TLE1: variants seen among roughly 807,000 people sequenced by gnomAD.
TLE1 encodes transducin-like enhancer protein 1.
TLE1 carries 21 observed loss-of-function variants against 89.8 expected under a neutral mutation model. That is an observed-to-expected ratio of 0.23 (90% CI 0.17 to 0.34). TLE1 has a LOEUF of 0.34. Ranked by LOEUF, TLE1 falls within the 10% of genes least tolerant of loss-of-function variation. TLE1 has a pLI of 1.00. For missense variants in TLE1, 795 were observed against 1,031.2 expected (o/e 0.77, Z 3.14); for synonymous variants, 447 against 407.6 (o/e 1.10, Z -1.16).
At chr9:81,595,925 T>C in intron 14 of TLE1, among the ~76,000 whole-genome samples, 1 of 151,982 alleles carries the variant, frequency 6.6e-6, no homozygotes, top group East Asian at 1.9e-4. Context: ...CTCGGTGCCA[T>C]GAGAGAAATT....
At chr9:81,645,000 C>CAAA (rs150421441) in intron 6 of TLE1, among the ~76,000 whole-genome samples, 48 of 64,896 alleles carry the variant, frequency 7.4e-4, no homozygotes, top group Non-Finnish European at 9.0e-4. Flanking sequence ...GACACTGTCT[C>CAAA]AAAAAAAAAA....
chr9:81,643,944 G>T (rs1828491832), intron 6 of TLE1, among the ~76,000 whole-genome samples: 1 of 152,156 alleles, frequency 6.6e-6, no homozygotes, highest in African/African-American at 2.4e-5. Flanking sequence ...GCTATGACAA[G>T]CCATGTGAAG....
At position 81,631,449 on chromosome 9, in the gene TLE1, CCAGT is replaced by C. The variant is rs1826593080; in HGVS notation, c.594+1895_594+1898del. 5.3e-5 allele frequency among the ~76,000 whole-genome samples: 8 copies of C among 152,318 alleles called. No individual in the cohort carries two copies. In the South Asian group the frequency reaches 1.7e-3, roughly 32 times the overall value. The stretch of plus-strand genomic sequence containing the variant: ...TGGTATCACTTCCACAATTCTGATA[CCAGT>C]AAGTTATAGGACTTTTGCTGAAACT... On this transcript the variant is annotated intron_variant, in intron 8 of 19. Coordinates refer to ENST00000376499, the MANE Select transcript of TLE1 (RefSeq NM_005077.5).
chr9:81,606,675 A>T (rs1175158492), intron 14 of TLE1, among the ~76,000 whole-genome samples: 5 of 151,972 alleles, frequency 3.3e-5, no homozygotes, highest in African/African-American at 7.3e-5. Flanking sequence ...TACCTAATGT[A>T]AATAACGAGT....
intron 6 of TLE1, among the ~76,000 whole-genome samples, chr9:81,635,176 G>A (rs1377294095): frequency 6.6e-6 from 1 of 152,174 alleles, no homozygotes; most frequent in African/African-American, 2.4e-5. Context: ...GCTTGTGGCC[G>A]CTGGAAGAAA....
At chr9:81,673,324 T>C (rs77456510) in intron 4 of TLE1, among the ~76,000 whole-genome samples, 42 of 151,098 alleles carry the variant, frequency 2.8e-4, no homozygotes, top group Admixed American at 1.3e-3. Flanking sequence ...TTTTTTTTTT[T>C]CTCCTTTTAA....
chr9:81,682,780 T>C (rs57688516), intron 4 of TLE1, among the ~76,000 whole-genome samples: 4,052 of 152,256 alleles, frequency 0.027, 182 homozygotes, highest in African/African-American at 0.091. Flanking sequence ...TGTATAGAGA[T>C]ATCTAGAGTT....
rs558927228 is a variant in TLE1 at position 81,587,707 on chromosome 9, G to A, written c.1951C>T (p.Leu651=). The change falls in exon 17 of 20, where the codon CTG becomes TTG. Residue 651 remains leucine (L), a synonymous_variant. Coordinates refer to ENST00000376499, the MANE Select transcript of TLE1 (RefSeq NM_005077.5). ...TGGGAGGTGAAGTCGTGCTGCTGCA[G>A]CTGCCGCCCCTCGCGCAGGTCCCAG... ...RSWDLREGRQ[L]QQHDFTSQIF... 30 of 1,613,532 alleles carry A rather than the reference G, an allele frequency of 1.9e-5. No homozygotes were observed. In the South Asian group the frequency reaches 2.1e-4, roughly 11 times the overall value.
intron 1 of TLE1, 122 bp downstream of exon 1, chr9:81,688,086 ACCTCCCCAG>A: frequency 1.7e-6 from 2 of 1,192,686 alleles, no homozygotes; most frequent in Non-Finnish European, 2.4e-6. Flanking sequence ...AGGGCCCCAG[ACCTCCCCAG>A]CCTTACACCG....
At chr9:81,613,245 A>G in intron 12 of TLE1, 132 bp downstream of exon 12, 1 of 1,277,770 alleles carries the variant, frequency 7.8e-7, no homozygotes, top group East Asian at 2.5e-5. Context: ...TGGCTTTTTC[A>G]GAGATAGGAA....
At chr9:81,637,851 T>G (rs3814532) in intron 6 of TLE1, among the ~76,000 whole-genome samples, 90,406 of 151,610 alleles carry the variant, frequency 0.6, 27,048 homozygotes, top group South Asian at 0.72. Context: ...CACATCTGAG[T>G]CAGGGAGGGT....
intron 4 of TLE1, among the ~76,000 whole-genome samples, chr9:81,657,886 A>G (rs1320177082): frequency 6.6e-6 from 1 of 151,092 alleles, no homozygotes; most frequent in African/African-American, 2.4e-5. Context: ...AAGTCTGTAC[A>G]TGTTCACTAC....
At chr9:81,636,303 G>C (rs550526563) in intron 6 of TLE1, among the ~76,000 whole-genome samples, 1 of 152,110 alleles carries the variant, frequency 6.6e-6, no homozygotes, top group African/African-American at 2.4e-5. Context: ...GTGGCATCAC[G>C]GTCCACTAGG....
At chr9:81,606,932 A>C (rs1831751835) in intron 14 of TLE1, among the ~76,000 whole-genome samples, 1 of 151,900 alleles carries the variant, frequency 6.6e-6, no homozygotes, top group Non-Finnish European at 1.5e-5. Context: ...ATCCTAAAAA[A>C]TATATTTTAG....
intron 4 of TLE1, among the ~76,000 whole-genome samples, chr9:81,674,521 C>A (rs1159629349): frequency 1.3e-5 from 2 of 152,178 alleles, no homozygotes; most frequent in Non-Finnish European, 2.9e-5. Flanking sequence ...TCCATCACGA[C>A]AATTCCATAC....
In TLE1 at chr9:81,687,393, G is replaced by A. The variant is rs757250004; in HGVS notation, c.66C>T (p.Ile22=). 9 of 1,611,326 alleles carry A rather than the reference G, an allele frequency of 5.6e-6. No homozygotes were observed. The highest frequency in any genetic ancestry group is 2.2e-5 in the East Asian group (1 of 44,850). The change falls in exon 2 of 20, where the codon ATC becomes ATT. Residue 22 remains isoleucine (I), a synonymous_variant. Coordinates refer to ENST00000376499, the MANE Select transcript of TLE1 (RefSeq NM_005077.5). ...CTTTAATCCGGTCCAGGGACTCCGGGATAGTGAACTTGAAGGGCTGGCCTG... is the reference window on the plus strand; with the variant it reads ...CTTTAATCCGGTCCAGGGACTCCGGAATAGTGAACTTGAAGGGCTGGCCTG... The part of the protein sequence containing the change: ...QAAGQPFKFT[I]PESLDRIKEE...
intron 14 of TLE1, among the ~76,000 whole-genome samples, chr9:81,599,372 C>T (rs1046130114): frequency 4.6e-5 from 7 of 152,052 alleles, no homozygotes; most frequent in Non-Finnish European, 1.0e-4. Flanking sequence ...AGAGGGATAA[C>T]GTGGGACCCA....
chr9:81,667,134 C>A (rs1305556162), intron 4 of TLE1, among the ~76,000 whole-genome samples: 2 of 151,722 alleles, frequency 1.3e-5, no homozygotes, highest in East Asian at 3.9e-4. Flanking sequence ...AAAAATCAGC[C>A]GGGCACGGTG....
Position 81,593,362 on chromosome 9 carries a change from A to C in TLE1, c.1332-88T>G. The C allele has an allele frequency of 2.1e-6, 3 of 1,432,416 alleles. No homozygotes were observed. In the East Asian group the frequency reaches 7.5e-5, roughly 36 times the overall value. 88.7% of individuals were successfully genotyped at this position (1,432,416 alleles called of 1,614,324 possible). A position where few individuals can be genotyped will look rare whatever the true frequency, so the allele number is the denominator to read the frequency against. On this transcript the variant is annotated intron_variant, in intron 14 of 19. Transcript: ENST00000376499. ...TCGGCAATGTGCTACGACTATGAAA[A>C]AGATGAAAAAAAGGAAAGATTCTCT...
Sources: gnomAD v4.1 joint callset for allele counts (sites outside exome capture counted in the v4.1 genomes callset) on GRCh38, gnomAD v4.1.1 for gene constraint, MANE v1.5 for transcripts, NCBI Gene and HGNC (gene_info 2026-07-23, HGNC 2026-07-21) for gene names.